SLC35F4: variants seen among roughly 807,000 people sequenced by gnomAD.
SLC35F4 encodes the protein solute carrier family 35 member F4.
SLC35F4 carries 24 observed loss-of-function variants against 44.2 expected under a neutral mutation model. The observed-to-expected ratio is 0.54, with a 90% CI of 0.39 to 0.76. SLC35F4 has a LOEUF of 0.76. Among genes scored for constraint, SLC35F4 ranks in the 30% least tolerant of loss-of-function variants. The pLI, the probability that SLC35F4 is intolerant of heterozygous loss-of-function variation, is 0.00. For synonymous variants in SLC35F4, 238 were observed against 223.6 expected (o/e 1.06, Z -0.57); for missense variants, 562 against 586.1 (o/e 0.96, Z 0.42).
At chr14:57,765,578 T>G (rs1881506556) in intron 1 of SLC35F4, among the ~76,000 whole-genome samples, 1 of 152,220 alleles carries the variant, frequency 6.6e-6, no homozygotes, top group Admixed American at 6.5e-5. Flanking sequence ...AATGTAACAT[T>G]ACATCAACAG....
chr14:57,693,248 G>C (rs1401470827), intron 1 of SLC35F4, among the ~76,000 whole-genome samples: 1 of 152,156 alleles, frequency 6.6e-6, no homozygotes, highest in Non-Finnish European at 1.5e-5. Context: ...ATTTATGTAA[G>C]GTCAGTATTT....
intron 1 of SLC35F4, among the ~76,000 whole-genome samples, chr14:57,940,705 C>T (rs1324346474): frequency 6.6e-6 from 1 of 152,126 alleles, no homozygotes; most frequent in Non-Finnish European, 1.5e-5. Context: ...GTGTCTCATC[C>T]AACTCCTCCT....
intron 1 of SLC35F4, among the ~76,000 whole-genome samples, chr14:57,910,682 T>C (rs1020130159): frequency 6.6e-6 from 1 of 152,104 alleles, no homozygotes; most frequent in Non-Finnish European, 1.5e-5. Context: ...TTGATTACTA[T>C]AGCTTTGTAG....
At position 57,577,804 on chromosome 14, in the gene SLC35F4, T is replaced by C. The variant is rs191121959; in HGVS notation, c.807+3410A>G. On this transcript the variant is annotated intron_variant, in intron 4 of 7. Transcript: ENST00000556826. The stretch of plus-strand genomic sequence containing the variant: ...GAGCTGGATTATCACTTTCTAACAT[T>C]TTTGCAATCAAAAAATTATCTTTTA... Among the ~76,000 whole-genome samples, 479 of 152,286 alleles carry C rather than the reference T, an allele frequency of 3.1e-3. 11 individuals carry two copies. Among genetic ancestry groups the C allele is most frequent in the Admixed American group, 0.029 (439 of 15,292 alleles).
chr14:57,651,897 T>G (rs2140203559), intron 1 of SLC35F4, among the ~76,000 whole-genome samples: 1 of 152,316 alleles, frequency 6.6e-6, no homozygotes, highest in Non-Finnish European at 1.5e-5. Flanking sequence ...CACACAGGAC[T>G]GCTCAATATG....
intron 1 of SLC35F4, among the ~76,000 whole-genome samples, chr14:57,915,628 C>G (rs933238204): frequency 6.6e-6 from 1 of 151,988 alleles, no homozygotes; most frequent in Non-Finnish European, 1.5e-5. Flanking sequence ...CATAAAGCCC[C>G]TGGGCATGGA....
In SLC35F4 at chr14:57,967,564, TG is replaced by T. The variant is rs540218989; in HGVS notation, n.282+14348del. 4.9e-3 allele frequency among the ~76,000 whole-genome samples: 750 copies of T among 152,340 alleles called. 3 individuals are homozygous for T. Among genetic ancestry groups the T allele is most frequent in the African/African-American group, 0.017 (715 of 41,564 alleles). On this transcript the variant is annotated intron_variant and non_coding_transcript_variant, in intron 1 of 1. Transcript: ENST00000556568. ...ATAGTAGTAACTGTGTGCCAAATTT[TG>T]TTTTAACGTCTGGCACATATTATCT...
At position 57,826,666 on chromosome 14, in the gene SLC35F4, GA is replaced by G. The variant is rs78961046; in HGVS notation, c.103+39056del. ...AAGAGAAATTTAAACAAATTTAAAA[GA>G]AAAAAAAAACTAGTAAGAAGTGGGT... On this transcript the variant is annotated intron_variant, in intron 1 of 7. Coordinates refer to ENST00000556826, the MANE Select transcript of SLC35F4 (RefSeq NM_001306087.2). 0.015 allele frequency among the ~76,000 whole-genome samples: 2,190 copies of G among 144,360 alleles called. 274 individuals are homozygous for G. In the East Asian group the frequency reaches 0.34, roughly 22 times the overall value. The allele number at this position is 144,360 out of a possible 152,430, so 94.7% of individuals were successfully genotyped here.
At chr14:57,970,694 A>C (rs958821867) in intron 1 of SLC35F4, among the ~76,000 whole-genome samples, 1 of 152,212 alleles carries the variant, frequency 6.6e-6, no homozygotes, top group African/African-American at 2.4e-5. Flanking sequence ...CTTGGTAAGC[A>C]TGGAATCAGA....
chr14:57,815,036 G>T (rs924847993), intron 1 of SLC35F4, among the ~76,000 whole-genome samples: 1 of 152,110 alleles, frequency 6.6e-6, no homozygotes, highest in Non-Finnish European at 1.5e-5. Flanking sequence ...ATACTCATTT[G>T]TTCATGTATT....
chr14:57,577,670 T>TAAAA (rs1022518397), intron 4 of SLC35F4, among the ~76,000 whole-genome samples: 5 of 148,980 alleles, frequency 3.4e-5, no homozygotes, highest in Non-Finnish European at 7.5e-5. Flanking sequence ...AACCTTTTTT[T>TAAAA]AAAAAAAAAA....
chr14:57,701,546 T>G (rs1175464865), intron 1 of SLC35F4, among the ~76,000 whole-genome samples: 1 of 152,196 alleles, frequency 6.6e-6, no homozygotes, highest in African/African-American at 2.4e-5. Flanking sequence ...TAGGTTGATT[T>G]ACACCAGCAT....
At chr14:57,709,498 T>A (rs1447063413) in intron 1 of SLC35F4, among the ~76,000 whole-genome samples, 1 of 152,246 alleles carries the variant, frequency 6.6e-6, no homozygotes, top group South Asian at 2.1e-4. Flanking sequence ...TCATATATAA[T>A]CATATCTATG....
chr14:57,658,486 CAATT>C (rs1350990535), intron 1 of SLC35F4, among the ~76,000 whole-genome samples: 47 of 152,120 alleles, frequency 3.1e-4, no homozygotes, highest in Admixed American at 3.1e-3. Flanking sequence ...AGATGTTCAA[CAATT>C]AATTAGAGAA....
intron 1 of SLC35F4, among the ~76,000 whole-genome samples, chr14:57,889,604 T>C (rs188174025): frequency 5.3e-5 from 8 of 152,338 alleles, no homozygotes; most frequent in Non-Finnish European, 1.0e-4. Flanking sequence ...CTGGCCATAG[T>C]AGTGTCTCTT....
chr14:57,706,263 G>T (rs116344285), intron 1 of SLC35F4, among the ~76,000 whole-genome samples: 4 of 152,176 alleles, frequency 2.6e-5, no homozygotes, highest in Admixed American at 6.5e-5. Context: ...TGACATCATT[G>T]TCCTAGATTG....
At chr14:57,713,035 G>A (rs889662253) in intron 1 of SLC35F4, among the ~76,000 whole-genome samples, 2 of 152,112 alleles carry the variant, frequency 1.3e-5, no homozygotes, top group Admixed American at 6.5e-5. Context: ...AAAAAATCCC[G>A]AATTTCTTTT....
chr14:57,643,543 A>G (rs1393219006), intron 1 of SLC35F4, among the ~76,000 whole-genome samples: 1 of 152,072 alleles, frequency 6.6e-6, no homozygotes, highest in Non-Finnish European at 1.5e-5. Flanking sequence ...ATCACTTAAG[A>G]CCTACAGTAG....
At chr14:57,704,834 T>C (rs1674399770) in intron 1 of SLC35F4, among the ~76,000 whole-genome samples, 2 of 152,156 alleles carry the variant, frequency 1.3e-5, no homozygotes, top group South Asian at 4.1e-4. Flanking sequence ...TGGCCTGTAA[T>C]CACTCCTTTC....
Sources: gnomAD v4.1 joint callset for allele counts (sites outside exome capture counted in the v4.1 genomes callset) on GRCh38, gnomAD v4.1.1 for gene constraint, MANE v1.5 for transcripts, NCBI Gene and HGNC (gene_info 2026-07-23, HGNC 2026-07-21) for gene names.